Variants in HIPK2 observed in about 807,000 individuals in gnomAD.
The protein encoded by HIPK2 is homeodomain-interacting protein kinase 2.
Under a neutral mutation model 113.7 loss-of-function variants are expected in HIPK2, and 27 were observed. That is an observed-to-expected ratio of 0.24 (90% CI 0.17 to 0.33). HIPK2 has a LOEUF of 0.33. Ranked by LOEUF, HIPK2 falls within the 10% of genes least tolerant of loss-of-function variation. HIPK2 has a pLI of 1.00. For missense variants in HIPK2, 1,257 were observed against 1,588.0 expected (o/e 0.79, Z 3.54); for synonymous variants, 631 against 642.2 (o/e 0.98, Z 0.26).
intron 6 of HIPK2, among the ~76,000 whole-genome samples, chr7:139,624,513 T>A (rs763933765): frequency 7.2e-5 from 11 of 152,208 alleles, no homozygotes; most frequent in Admixed American, 5.9e-4. Context: ...ACTCATTCCC[T>A]GGACCGTCAA....
At chr7:139,761,106 G>C (rs957882600) in intron 1 of HIPK2, among the ~76,000 whole-genome samples, 3 of 152,210 alleles carry the variant, frequency 2.0e-5, no homozygotes, top group Non-Finnish European at 4.4e-5. Context: ...TACTGTGAAA[G>C]TTAATGGGGA....
intron 2 of HIPK2, among the ~76,000 whole-genome samples, chr7:139,649,250 G>A (rs923126645): frequency 9.9e-5 from 15 of 152,218 alleles, no homozygotes; most frequent in East Asian, 3.9e-4. Context: ...CTGCTGCGGC[G>A]GGTGGCTGCG....
intron 2 of HIPK2, among the ~76,000 whole-genome samples, chr7:139,711,977 G>C (rs554202981): frequency 1.3e-5 from 2 of 152,214 alleles, no homozygotes; most frequent in South Asian, 4.2e-4. Context: ...CTCACCTCCA[G>C]TTCTCTGAGG....
Position 139,569,547 on chromosome 7 carries a change from T to C in HIPK2, c.*3380A>G, listed in dbSNP as rs1438616812. 3 of 152,282 alleles carry C rather than the reference T, an allele frequency of 2.0e-5. No individual in the cohort carries two copies. Among genetic ancestry groups the C allele is most frequent in the African/African-American group, 7.2e-5 (3 of 41,560 alleles). 9.4% of individuals were successfully genotyped at this position (152,282 alleles called of 1,614,324 possible). ...AGTGACTCGACATTCCCCGAGCCCA[T>C]GAGATGCCACCTGACGTCGCATCCC... On this transcript the variant is annotated 3_prime_UTR_variant, in exon 15 of 15. Transcript: ENST00000406875.
intron 1 of HIPK2, among the ~76,000 whole-genome samples, chr7:139,760,981 G>A (rs1303688981): frequency 6.6e-6 from 1 of 152,176 alleles, no homozygotes; most frequent in African/African-American, 2.4e-5. Flanking sequence ...CCTAAAAGTT[G>A]TAACAAAAGA....
Position 139,626,652 on chromosome 7 carries a change from T to C in HIPK2, c.1568A>G (p.Asn523Ser), listed in dbSNP as rs1260289436. The part of the protein sequence containing the change: ...DKRITPIETL[N>S]HPFVTMTHLL... ...GTGTGTCATGGTGACAAAGGGATGG[T>C]TCAGGGTTTCGATTGGAGTGATTCT... is the stretch of plus-strand genomic sequence containing the variant. Residue 523 changes from asparagine (N) to serine (S), a missense_variant, in exon 6 of 15, where the codon AAC becomes AGC. Transcript: ENST00000406875. 6.2e-7 allele frequency: 1 copy of C among 1,613,914 alleles called. No homozygotes were observed. The highest frequency in any genetic ancestry group is 1.3e-5 in the African/African-American group (1 of 74,996).
chr7:139,730,059 T>C (rs1389134621), intron 1 of HIPK2, among the ~76,000 whole-genome samples: 2 of 152,238 alleles, frequency 1.3e-5, no homozygotes, highest in Admixed American at 1.3e-4. Context: ...AGATGGACTT[T>C]TCCTATCCTT....
chr7:139,751,998 A>G (rs1414479851), intron 1 of HIPK2, among the ~76,000 whole-genome samples: 4 of 152,234 alleles, frequency 2.6e-5, no homozygotes, highest in Non-Finnish European at 5.9e-5. Context: ...GCCAACCAGA[A>G]AAGTTTACTG....
chr7:139,718,051 C>T (rs1380269486), intron 1 of HIPK2, among the ~76,000 whole-genome samples: 1 of 152,134 alleles, frequency 6.6e-6, no homozygotes, highest in Non-Finnish European at 1.5e-5. Context: ...GCCAGAAGTA[C>T]TATTATTTCA....
chr7:139,734,308 C>G (rs770145559), intron 1 of HIPK2, among the ~76,000 whole-genome samples: 1 of 152,186 alleles, frequency 6.6e-6, no homozygotes, highest in Non-Finnish European at 1.5e-5. Context: ...GTACTAATCC[C>G]CCACCTAATA....
At chr7:139,690,525 C>A (rs1198754435) in intron 2 of HIPK2, among the ~76,000 whole-genome samples, 1 of 151,910 alleles carries the variant, frequency 6.6e-6, no homozygotes, top group Non-Finnish European at 1.5e-5. Flanking sequence ...TTTGTTCCCA[C>A]GAGAGCTAGT....
intron 2 of HIPK2, among the ~76,000 whole-genome samples, chr7:139,701,080 C>T (rs1176384104): frequency 1.3e-5 from 2 of 152,176 alleles, no homozygotes; most frequent in Non-Finnish European, 2.9e-5. Context: ...ACCTGCATGG[C>T]GTCCTGTGGG....
chr7:139,700,177 G>C (rs1055656113), intron 2 of HIPK2, among the ~76,000 whole-genome samples: 3 of 152,190 alleles, frequency 2.0e-5, no homozygotes, highest in Non-Finnish European at 4.4e-5. Context: ...GTGTTTTCAA[G>C]GGTGCCTGAG....
At chr7:139,659,247 C>T (rs746096824) in intron 2 of HIPK2, among the ~76,000 whole-genome samples, 3 of 152,214 alleles carry the variant, frequency 2.0e-5, no homozygotes, top group Non-Finnish European at 4.4e-5. Flanking sequence ...CGTCTTAACC[C>T]TTTCCCTGCC....
intron 2 of HIPK2, among the ~76,000 whole-genome samples, chr7:139,687,317 T>C (rs1450665591): frequency 6.6e-6 from 1 of 152,166 alleles, no homozygotes. Context: ...ATGAGGTAAG[T>C]ACAAATGATT....
chr7:139,757,352 T>C (rs1182227477), intron 1 of HIPK2, among the ~76,000 whole-genome samples: 1 of 152,208 alleles, frequency 6.6e-6, no homozygotes, highest in Non-Finnish European at 1.5e-5. Context: ...TAGAAGTATA[T>C]TAAATCCAAG....
chr7:139,642,915 T>C (rs1262578202), intron 2 of HIPK2, among the ~76,000 whole-genome samples: 1 of 151,884 alleles, frequency 6.6e-6, no homozygotes, highest in Non-Finnish European at 1.5e-5. Flanking sequence ...GAAATTAAGG[T>C]GGAGAGCTGC....
At chr7:139,690,779 C>T (rs952748444) in intron 2 of HIPK2, among the ~76,000 whole-genome samples, 4 of 152,230 alleles carry the variant, frequency 2.6e-5, no homozygotes, top group Non-Finnish European at 4.4e-5. Context: ...TCACCTTCAG[C>T]CATGAGTGGG....
Position 139,569,936 on chromosome 7 carries a change from A to G in HIPK2, c.*2991T>C, listed in dbSNP as rs1276199736. ...TAATAAAAATAATTAGTACAATAAT[A>G]TTATCTTTATGAGCAGCATGGAAAT... On this transcript the variant is annotated 3_prime_UTR_variant, in exon 15 of 15. Transcript: ENST00000406875. 1 of 152,240 alleles carries G rather than the reference A, an allele frequency of 6.6e-6. No individual in the cohort carries two copies. Among genetic ancestry groups the G allele is most frequent in the East Asian group, 1.9e-4 (1 of 5,208 alleles). The allele number at this position is 152,240 out of a possible 1,614,324, so 9.4% of individuals were successfully genotyped here. A position where few individuals can be genotyped will look rare whatever the true frequency, so the allele number is the denominator to read the frequency against.
Sources: allele counts gnomAD v4.1 joint callset (sites outside exome capture counted in the v4.1 genomes callset), GRCh38; gene constraint gnomAD v4.1.1; transcripts MANE v1.5; gene names NCBI Gene and HGNC (gene_info 2026-07-23, HGNC 2026-07-21).